CCL28: variants seen among roughly 807,000 people sequenced by gnomAD.
The protein encoded by CCL28 is C-C motif chemokine ligand 28, also known as C-C motif chemokine 28.
In CCL28, 4 loss-of-function variants were observed where a neutral mutation model predicts 7.1. The ratio of observed to expected loss-of-function variants is 0.56; its 90% CI spans 0.28 to 1.29. The LOEUF (loss-of-function observed/expected upper bound fraction) is 1.29. Among genes scored for constraint, CCL28 ranks in the 50% most tolerant of loss-of-function variants. CCL28 has a pLI of 0.11. For missense variants in CCL28, 151 were observed against 163.4 expected (o/e 0.92, Z 0.41); for synonymous variants, 55 against 57.8 (o/e 0.95, Z 0.22).
downstream of CCL28, among the ~76,000 whole-genome samples, chr5:43,374,406 G>C (rs569407379): frequency 2.4e-4 from 36 of 152,342 alleles, no homozygotes; most frequent in Middle Eastern, 3.4e-3. Context: ...TGTAAAAACA[G>C]TGTGCTAGAA....
At chr5:43,392,243 T>C (rs1236870766) in intron 1 of CCL28, among the ~76,000 whole-genome samples, 2 of 152,118 alleles carry the variant, frequency 1.3e-5, no homozygotes, top group Admixed American at 6.5e-5. Context: ...CAGCTGCCCA[T>C]GTAGCTGGAA....
Position 43,379,843 on chromosome 5 carries a change from G to C in CCL28, c.*2017C>G, listed in dbSNP as rs564001256. 6.6e-6 allele frequency: 1 copy of C among 152,224 alleles called. No homozygotes were observed. Among genetic ancestry groups the C allele is most frequent in the African/African-American group, 2.4e-5 (1 of 41,434 alleles). The allele number at this position is 152,224 out of a possible 1,614,324, so 9.4% of individuals were successfully genotyped here. ...GGTATCAACTCAAACGTGTGAGCCC[G>C]GCATGGTGGCTCACGCTGGTAATTC... On this transcript the variant is annotated 3_prime_UTR_variant, in exon 3 of 3. Transcript: ENST00000361115.
In CCL28 at chr5:43,412,360, GTTCGA is replaced by G; in HGVS notation, c.-49_-45del. ...CACTGACAGCAACACAAGTGAGGCTGTTCGATCAGGAAATGAGGCTAAAGGTGTCC... is the reference window on the plus strand; with the variant it reads ...CACTGACAGCAACACAAGTGAGGCTGTCAGGAAATGAGGCTAAAGGTGTCC... On this transcript the variant is annotated 5_prime_UTR_variant, in exon 1 of 3. Coordinates refer to ENST00000361115, the MANE Select transcript of CCL28 (RefSeq NM_148672.3). 6.4e-7 allele frequency: 1 copy of G among 1,573,284 alleles called. No homozygotes were observed. Among genetic ancestry groups the G allele is most frequent in the Non-Finnish European group, 8.7e-7 (1 of 1,148,590 alleles).
At chr5:43,364,843 T>C in the CCL28 span, among the ~76,000 whole-genome samples, 3 of 152,150 alleles carry the variant, frequency 2.0e-5, no homozygotes, top group African/African-American at 7.2e-5. Context: ...TCTTTGTTGG[T>C]TTAAAGTCTG....
At chr5:43,383,389 G>C (rs1740200347) in intron 2 of CCL28, among the ~76,000 whole-genome samples, 1 of 152,128 alleles carries the variant, frequency 6.6e-6, no homozygotes, top group Non-Finnish European at 1.5e-5. Flanking sequence ...TATTTTTCTA[G>C]ATGACGCAAG....
At chr5:43,399,682 T>C (rs1740952990) in intron 1 of CCL28, among the ~76,000 whole-genome samples, 1 of 152,196 alleles carries the variant, frequency 6.6e-6, no homozygotes, top group Non-Finnish European at 1.5e-5. Flanking sequence ...TCCCAAATTA[T>C]CTACAATTAC....
At chr5:43,386,215 G>A (rs1158867796) in intron 2 of CCL28, among the ~76,000 whole-genome samples, 3 of 152,184 alleles carry the variant, frequency 2.0e-5, no homozygotes, top group African/African-American at 7.2e-5. Context: ...ACTACCTAGA[G>A]CATTGTCTAT....
At chr5:43,396,830 G>A (rs909886235) in intron 1 of CCL28, among the ~76,000 whole-genome samples, 42 of 152,346 alleles carry the variant, frequency 2.8e-4, no homozygotes, top group Non-Finnish European at 5.9e-4. Context: ...TCGCGCTACT[G>A]GTATCTGTAG....
chr5:43,357,392 G>A, the CCL28 span, among the ~76,000 whole-genome samples: 13 of 152,210 alleles, frequency 8.5e-5, no homozygotes, highest in East Asian at 1.9e-4. Flanking sequence ...GCAGACCATC[G>A]TAATAGATTC....
chr5:43,376,331 T>G (rs1739887259), downstream of CCL28, among the ~76,000 whole-genome samples: 1 of 152,180 alleles, frequency 6.6e-6, no homozygotes, highest in Non-Finnish European at 1.5e-5. Context: ...TGGCAATATC[T>G]TCAGACATTT....
intron 1 of CCL28, among the ~76,000 whole-genome samples, chr5:43,396,627 T>C (rs1740814356): frequency 1.3e-5 from 2 of 152,150 alleles, no homozygotes; most frequent in African/African-American, 2.4e-5. Context: ...AAAAGTACTA[T>C]TTATTATAAT....
chr5:43,365,063 G>T, the CCL28 span, among the ~76,000 whole-genome samples: 1 of 143,880 alleles, frequency 7.0e-6, no homozygotes, highest in Non-Finnish European at 1.5e-5. Context: ...GGAGTACAGT[G>T]GCGTGATCTT....
chr5:43,403,025 G>A (rs985661112), intron 1 of CCL28, among the ~76,000 whole-genome samples: 1 of 152,198 alleles, frequency 6.6e-6, no homozygotes, highest in Non-Finnish European at 1.5e-5. Context: ...GCTCGAACTG[G>A]GTGGAGCCCA....
intron 1 of CCL28, among the ~76,000 whole-genome samples, chr5:43,406,298 C>T (rs1305433770): frequency 6.6e-6 from 1 of 152,024 alleles, no homozygotes; most frequent in Non-Finnish European, 1.5e-5. Flanking sequence ...GCTTATCCAC[C>T]ATGATCAAGT....
At chr5:43,378,452 A>G (rs911205383), downstream of CCL28, among the ~76,000 whole-genome samples, 2 of 152,148 alleles carry the variant, frequency 1.3e-5, no homozygotes, top group African/African-American at 4.8e-5. Flanking sequence ...TGTACTTTTG[A>G]TTTTTTAAAT....
At chr5:43,367,714 C>A in the CCL28 span, among the ~76,000 whole-genome samples, 3 of 152,100 alleles carry the variant, frequency 2.0e-5, no homozygotes, top group Non-Finnish European at 4.4e-5. Flanking sequence ...CTAACCAATC[C>A]CAGTGAGGTG....
At chr5:43,388,584 G>T in intron 1 of CCL28, 108 bp from the exon 2 acceptor site, 1 of 1,066,528 alleles carries the variant, frequency 9.4e-7, no homozygotes, top group South Asian at 1.6e-5. Context: ...CACAAACAAG[G>T]GGCAAACATG....
chr5:43,396,757 AAAAGAAAG>A (rs201326504), intron 1 of CCL28, among the ~76,000 whole-genome samples: 5 of 152,130 alleles, frequency 3.3e-5, no homozygotes, highest in African/African-American at 7.2e-5. Context: ...GCACGAGAAA[AAAAGAAAG>A]AAAGAAAGAA....
intron 1 of CCL28, among the ~76,000 whole-genome samples, chr5:43,404,599 A>G (rs1254196944): frequency 2.0e-5 from 3 of 152,222 alleles, no homozygotes; most frequent in East Asian, 1.9e-4. Context: ...AACTGCATCA[A>G]CTAACGGGCA....
Sources: allele counts gnomAD v4.1 joint callset (sites outside exome capture counted in the v4.1 genomes callset), GRCh38; gene constraint gnomAD v4.1.1; transcripts MANE v1.5; gene names NCBI Gene and HGNC (gene_info 2026-07-23, HGNC 2026-07-21).